Variants in SLC39A11 observed in about 807,000 individuals in gnomAD.
SLC39A11 encodes the protein solute carrier family 39 member 11.
SLC39A11 carries 33 observed loss-of-function variants against 36.1 expected under a neutral mutation model. That is an observed-to-expected ratio of 0.91 (90% CI 0.69 to 1.22). The LOEUF (loss-of-function observed/expected upper bound fraction) is 1.22. Ranked by LOEUF, SLC39A11 falls within the 50% of genes most tolerant of loss-of-function variation. SLC39A11 has a pLI of 0.00. For synonymous variants in SLC39A11, 166 were observed against 170.3 expected, an observed-to-expected ratio of 0.97 and a Z score of 0.20; for missense variants, 432 against 430.3, an observed-to-expected ratio of 1.00 and a Z score of -0.03.
chr17:73,008,350 G>A (rs1197660169), intron 4 of SLC39A11, among the ~76,000 whole-genome samples: 1 of 152,102 alleles, frequency 6.6e-6, no homozygotes, highest in Admixed American at 6.5e-5. Context: ...GCCTTGCAGA[G>A]TGAAGGCACT....
Position 72,856,152 on chromosome 17 carries a change from T to C in SLC39A11, c.431-6348A>G, listed in dbSNP as rs185473681. ...AAAGGGCCATGATACAATTCCCTAATAAATTTCCAGGAAGGCTGTGTCACT... is the reference window on the plus strand; with the variant it reads ...AAAGGGCCATGATACAATTCCCTAACAAATTTCCAGGAAGGCTGTGTCACT... On this transcript the variant is annotated intron_variant, in intron 5 of 9. Coordinates refer to ENST00000255559, the MANE Select transcript of SLC39A11 (RefSeq NM_139177.4). Among the ~76,000 whole-genome samples the C allele has an allele frequency of 2.0e-5, 3 of 152,342 alleles. No individual in the cohort carries two copies. In the East Asian group the frequency reaches 5.8e-4, roughly 29 times the overall value.
intron 3 of SLC39A11, among the ~76,000 whole-genome samples, chr17:73,083,572 T>C (rs1426582113): frequency 6.6e-6 from 1 of 152,142 alleles, no homozygotes. Context: ...AAATGGAATC[T>C]GAACTAATCA....
intron 7 of SLC39A11, among the ~76,000 whole-genome samples, chr17:72,678,369 G>A (rs2071365549): frequency 1.3e-5 from 2 of 152,140 alleles, no homozygotes; most frequent in African/African-American, 4.8e-5. Flanking sequence ...ATGTGTAAGA[G>A]ATGGAAATGT....
chr17:72,796,116 A>G (rs1362001751), intron 6 of SLC39A11, among the ~76,000 whole-genome samples: 1 of 152,108 alleles, frequency 6.6e-6, no homozygotes, highest in African/African-American at 2.4e-5. Context: ...CAGCTCACAT[A>G]CTCTGAGTTA....
At chr17:72,763,676 T>C (rs1263011744) in intron 6 of SLC39A11, among the ~76,000 whole-genome samples, 2 of 152,192 alleles carry the variant, frequency 1.3e-5, no homozygotes, top group African/African-American at 4.8e-5. Flanking sequence ...ATTCCATCCA[T>C]AAGTACTTAT....
At chr17:73,004,433 C>G (rs1365906274) in intron 4 of SLC39A11, among the ~76,000 whole-genome samples, 2 of 152,202 alleles carry the variant, frequency 1.3e-5, no homozygotes, top group Non-Finnish European at 2.9e-5. Flanking sequence ...AGCGAGCTCT[C>G]TGGTGTCTCT....
At chr17:72,888,135 A>G (rs1453489279) in intron 5 of SLC39A11, among the ~76,000 whole-genome samples, 1 of 152,262 alleles carries the variant, frequency 6.6e-6, no homozygotes, top group Non-Finnish European at 1.5e-5. Context: ...CTGAATAACT[A>G]TTCCACAGAT....
chr17:72,906,337 A>C (rs978507501), intron 5 of SLC39A11, among the ~76,000 whole-genome samples: 2 of 152,248 alleles, frequency 1.3e-5, no homozygotes, highest in Non-Finnish European at 2.9e-5. Context: ...GGAGTCTAAA[A>C]TAGTCAGGAT....
Position 72,947,509 on chromosome 17 carries a change from G to A in SLC39A11, c.430+243C>T, listed in dbSNP as rs746178329. The A allele has an allele frequency of 1.3e-3, 715 of 567,934 alleles. 6 individuals are homozygous for A. Among genetic ancestry groups the A allele is most frequent in the Middle Eastern group, 1.4e-3 (3 of 2,090 alleles). The allele number at this position is 567,934 out of a possible 1,614,324, so 35.2% of individuals were successfully genotyped here. ...GTCCACCTGTCCAAGTCGAAAAGAT[G>A]ATCAAAAGGTACCGTTACCTTCTGT... On this transcript the variant is annotated intron_variant, in intron 5 of 9. Coordinates refer to ENST00000255559, the MANE Select transcript of SLC39A11 (RefSeq NM_139177.4).
intron 6 of SLC39A11, chr17:72,838,085 G>C: frequency 1.4e-6 from 1 of 717,128 alleles, no homozygotes; most frequent in Non-Finnish European, 1.9e-6. Context: ...GCAGTTCGAG[G>C]CCACCCTGGC....
intron 4 of SLC39A11, among the ~76,000 whole-genome samples, chr17:73,028,247 C>T (rs1568150351): frequency 6.6e-6 from 1 of 152,146 alleles, no homozygotes; most frequent in Non-Finnish European, 1.5e-5. Context: ...CAAATTCTAG[C>T]CCTGCTCCTA....
chr17:72,914,870 A>AAATAAATAAATAAATAAATAAATAAATG, intron 5 of SLC39A11, among the ~76,000 whole-genome samples: 1 of 152,042 alleles, frequency 6.6e-6, no homozygotes, highest in Non-Finnish European at 1.5e-5. Context: ...TCTGTCTCAT[A>AAATAAATAAATAAATAAATAAATAAATG]AATAAATAAA....
At chr17:72,713,989 T>A (rs748740947) in intron 7 of SLC39A11, among the ~76,000 whole-genome samples, 2 of 152,152 alleles carry the variant, frequency 1.3e-5, no homozygotes, top group Non-Finnish European at 2.9e-5. Context: ...GACCTCAAAT[T>A]TAGATCTACA....
At chr17:73,035,172 C>T (rs1346455611) in intron 3 of SLC39A11, among the ~76,000 whole-genome samples, 5 of 152,182 alleles carry the variant, frequency 3.3e-5, no homozygotes, top group African/African-American at 1.2e-4. Flanking sequence ...GAGACAGAGT[C>T]TCGTTCTGTC....
chr17:73,040,516 A>G (rs1365246270), intron 3 of SLC39A11, among the ~76,000 whole-genome samples: 1 of 152,246 alleles, frequency 6.6e-6, no homozygotes, highest in African/African-American at 2.4e-5. Context: ...TTTAGGGAAT[A>G]GTAACAAACA....
intron 6 of SLC39A11, among the ~76,000 whole-genome samples, chr17:72,813,355 G>A (rs1004990354): frequency 6.6e-6 from 1 of 152,082 alleles, no homozygotes; most frequent in Non-Finnish European, 1.5e-5. Context: ...TAAAAATTTC[G>A]ATATTTTTGT....
chr17:73,091,466 A>G (rs1293034511), intron 1 of SLC39A11, among the ~76,000 whole-genome samples: 12 of 152,144 alleles, frequency 7.9e-5, no homozygotes. Flanking sequence ...AAATAAATAA[A>G]TAAATAAAAC....
At chr17:73,040,793 T>C (rs959117411) in intron 3 of SLC39A11, among the ~76,000 whole-genome samples, 2 of 152,054 alleles carry the variant, frequency 1.3e-5, no homozygotes, top group Admixed American at 1.3e-4. Context: ...GAGACCAGCC[T>C]GGTCAATATG....
In SLC39A11 at chr17:72,688,401, C is replaced by T. The variant is rs141754757; in HGVS notation, c.672-39133G>A. On this transcript the variant is annotated intron_variant, in intron 7 of 9. Transcript: ENST00000255559. ...CTTCTCTACCTGGAAACCCTGCAGC[C>T]GTGTCATGCTGGACAACCCCCTCAG... Among the ~76,000 whole-genome samples the T allele has an allele frequency of 7.2e-5, 11 of 152,350 alleles. No homozygotes were observed. In the East Asian group the frequency reaches 1.9e-3, roughly 27 times the overall value.
Sources: allele counts gnomAD v4.1 joint callset (sites outside exome capture counted in the v4.1 genomes callset), GRCh38; gene constraint gnomAD v4.1.1; transcripts MANE v1.5; gene names NCBI Gene and HGNC (gene_info 2026-07-23, HGNC 2026-07-21).